The following ZNF573 variants were observed in gnomAD, a reference collection of about 807,000 sequenced individuals.
The protein encoded by ZNF573 is zinc finger protein 573.
Under a neutral mutation model 57.4 loss-of-function variants are expected in ZNF573, and 41 were observed. The ratio of observed to expected loss-of-function variants is 0.71; its 90% CI spans 0.56 to 0.93. The LOEUF is 0.93. Ranked by LOEUF, ZNF573 falls within the 40% of genes least tolerant of loss-of-function variation. The pLI is 0.00. For synonymous variants in ZNF573, 249 were observed against 261.0 expected, an observed-to-expected ratio of 0.95 and a Z score of 0.44; for missense variants, 730 against 794.8, an observed-to-expected ratio of 0.92 and a Z score of 0.98.
Position 37,738,603 on chromosome 19 carries a change from C to T in ZNF573, c.1887G>A (p.Glu629=). Residue 629 remains glutamate, a synonymous_variant, in exon 5 of 5, where the codon GAG becomes GAA. Transcript: ENST00000536220. ...AGGGTTTCTCACCAGTATGAATTCT[C>T]TCATGTTGAACAAGGTTTGAAGCAC... ...FSRASNLVQH[E]RIHTGEKPYV... is the part of the protein sequence containing the mutation. 1 of 1,611,346 alleles carries T rather than the reference C, an allele frequency of 6.2e-7. No homozygotes were observed. The highest frequency in any genetic ancestry group is 8.5e-7 in the Non-Finnish European group (1 of 1,178,756).
chr19:37,743,611 C>T (rs1027951059), intron 4 of ZNF573, among the ~76,000 whole-genome samples: 1 of 152,158 alleles, frequency 6.6e-6, no homozygotes, highest in Non-Finnish European at 1.5e-5. Flanking sequence ...ACCAGAAATA[C>T]ATTTGACCCA....
chr19:37,773,568 G>A, intron 2 of ZNF573, 93 bp downstream of exon 2: 1 of 903,228 alleles, frequency 1.1e-6, no homozygotes, highest in Non-Finnish European at 1.7e-6. Flanking sequence ...ATAACTGAAG[G>A]AGGCCTTCTT....
At chr19:37,777,688 C>T (rs544648729) in intron 1 of ZNF573, among the ~76,000 whole-genome samples, 3 of 150,452 alleles carry the variant, frequency 2.0e-5, no homozygotes, top group East Asian at 2.0e-4. Context: ...TGCAGTGAAC[C>T]GAGACTGCGC....
intron 1 of ZNF573, among the ~76,000 whole-genome samples, chr19:37,778,253 C>A (rs1265210881): frequency 7.0e-6 from 1 of 142,104 alleles, no homozygotes; most frequent in Non-Finnish European, 1.6e-5. Context: ...CGGTGGCTCA[C>A]GCCTGTAATC....
intron 4 of ZNF573, among the ~76,000 whole-genome samples, chr19:37,750,701 C>A (rs2045425464): frequency 6.6e-6 from 1 of 151,490 alleles, no homozygotes; most frequent in South Asian, 2.1e-4. Flanking sequence ...AAAAAACATA[C>A]CTTAGCCAGA....
chr19:37,757,360 C>A (rs1230866697), intron 4 of ZNF573, among the ~76,000 whole-genome samples: 2 of 152,190 alleles, frequency 1.3e-5, no homozygotes, highest in East Asian at 3.9e-4. Flanking sequence ...CCGCGCCCGG[C>A]TAATTTTTTG....
chr19:37,740,927 G>A (rs2045321460), intron 4 of ZNF573, among the ~76,000 whole-genome samples: 1 of 152,164 alleles, frequency 6.6e-6, no homozygotes, highest in Non-Finnish European at 1.5e-5. Flanking sequence ...GTGAATAGCT[G>A]TTCTACTGTT....
At chr19:37,754,264 G>A (rs1180679266) in intron 4 of ZNF573, among the ~76,000 whole-genome samples, 1 of 152,134 alleles carries the variant, frequency 6.6e-6, no homozygotes, top group African/African-American at 2.4e-5. Context: ...GCTCACGCCT[G>A]TAATCCCAGC....
At position 37,738,474 on chromosome 19, in the gene ZNF573, C is replaced by A; in HGVS notation, c.*18G>T. On this transcript the variant is annotated 3_prime_UTR_variant, in exon 5 of 5. Transcript: ENST00000536220. ...GGGCTGTCTGATGATGAATGGCGCG[C>A]TCGTACTCTTTACGGTCTTACACTT... 1.3e-6 allele frequency: 2 copies of A among 1,512,806 alleles called. No individual in the cohort carries two copies. Among genetic ancestry groups the A allele is most frequent in the Non-Finnish European group, 1.8e-6 (2 of 1,132,834 alleles). 93.7% of individuals were successfully genotyped at this position (1,512,806 alleles called of 1,614,324 possible). A position where few individuals can be genotyped will look rare whatever the true frequency, so the allele number is the denominator to read the frequency against.
intron 4 of ZNF573, among the ~76,000 whole-genome samples, chr19:37,746,875 T>C (rs998117819): frequency 9.7e-4 from 147 of 152,242 alleles, no homozygotes; most frequent in African/African-American, 3.5e-3. Flanking sequence ...TGAGCCACCG[T>C]GCCCAGCTGA....
chr19:37,770,814 T>C (rs1335114181), intron 3 of ZNF573, among the ~76,000 whole-genome samples: 2 of 119,992 alleles, frequency 1.7e-5, no homozygotes, highest in African/African-American at 7.2e-5. Flanking sequence ...CACACAGTTC[T>C]TTCAGGATTA....
rs555147045 is a variant in ZNF573, at chr19:37,779,585, T to G, written c.-64A>C. On this transcript the variant is annotated 5_prime_UTR_variant, in exon 1 of 5. Transcript: ENST00000536220. Reference sequence around the variant, plus strand: ...GCGAAAACGGAAGGGAAGCCATAGATTGGGTGTTCCCGTTGCCCTCTGGGA... The same window carrying G: ...GCGAAAACGGAAGGGAAGCCATAGAGTGGGTGTTCCCGTTGCCCTCTGGGA... The G allele has an allele frequency of 6.6e-6, 1 of 152,242 alleles. No individual in the cohort carries two copies. The highest frequency in any genetic ancestry group is 1.5e-5 in the Non-Finnish European group (1 of 68,108). 9.4% of individuals were successfully genotyped at this position (152,242 alleles called of 1,614,324 possible). A position where few individuals can be genotyped will look rare whatever the true frequency, so the allele number is the denominator to read the frequency against.
In ZNF573 at chr19:37,739,233, G is replaced by C. The variant is rs375026878; in HGVS notation, c.1257C>G (p.Cys419Trp). ...AGCCATACAAGCTAAAGGCCTTTCC[G>C]CATTCCTTGCATTCATAGGGTTTCT... is the stretch of plus-strand genomic sequence containing the variant. ...TGEKPYECKE[C>W]GKAFSLYGYL... is the part of the protein sequence containing the mutation. The change falls in exon 5 of 5, where the codon TGC (cysteine) becomes TGG (tryptophan). Residue 419 changes from cysteine to tryptophan, a missense_variant. Transcript: ENST00000536220. 57 of 1,612,858 alleles carry C rather than the reference G, an allele frequency of 3.5e-5. No individual in the cohort carries two copies. In the East Asian group the frequency reaches 1.3e-3, roughly 36 times the overall value.
chr19:37,762,236 T>G (rs2045559933), intron 4 of ZNF573, among the ~76,000 whole-genome samples: 1 of 152,208 alleles, frequency 6.6e-6, no homozygotes, highest in South Asian at 2.1e-4. Context: ...AGATGTCAAT[T>G]TCATGAAGGA....
chr19:37,739,429 C>T lies in ZNF573; in HGVS notation c.1061G>A (p.Gly354Asp). Residue 354 changes from glycine to aspartate, a missense_variant, in exon 5 of 5, where the codon GGT (glycine) becomes GAT (aspartate). Transcript: ENST00000536220. ...YFLLHQRIHK[G>D]GKPYECKECK... ...CTCCTTACATTCATAGGGTTTTCCA[C>T]CTTTATGAATTCTCTGATGTAGAAG... The T allele has an allele frequency of 6.2e-7, 1 of 1,614,032 alleles. No homozygotes were observed. The highest frequency in any genetic ancestry group is 8.5e-7 in the Non-Finnish European group (1 of 1,180,004).
chr19:37,759,465 C>T (rs931822727), intron 4 of ZNF573, among the ~76,000 whole-genome samples: 4 of 152,118 alleles, frequency 2.6e-5, no homozygotes, highest in African/African-American at 4.8e-5. Flanking sequence ...CGGTGGCTCA[C>T]GCCTGTAATC....
intron 4 of ZNF573, among the ~76,000 whole-genome samples, chr19:37,754,519 CA>C (rs11316334): frequency 0.37 from 31,627 of 85,490 alleles, 3,015 homozygotes; most frequent in African/African-American, 0.44. Flanking sequence ...GACTCCACCT[CA>C]AAAAAAAAAA....
At chr19:37,758,176 G>T (rs2045508849) in intron 4 of ZNF573, among the ~76,000 whole-genome samples, 2 of 109,564 alleles carry the variant, frequency 1.8e-5, no homozygotes, top group Non-Finnish European at 1.7e-5. Flanking sequence ...TTGTGCACAT[G>T]TACCCTAGAA....
At chr19:37,762,317 C>T (rs1303601897) in intron 4 of ZNF573, among the ~76,000 whole-genome samples, 2 of 152,030 alleles carry the variant, frequency 1.3e-5, no homozygotes, top group Non-Finnish European at 2.9e-5. Context: ...TCAGTTGATC[C>T]TAGATTTTAA....
Sources: allele counts gnomAD v4.1 joint callset (sites outside exome capture counted in the v4.1 genomes callset), GRCh38; gene constraint gnomAD v4.1.1; transcripts MANE v1.5; gene names NCBI Gene and HGNC (gene_info 2026-07-23, HGNC 2026-07-21).